The following TRAPPC9 variants were observed in gnomAD, a reference collection of about 807,000 sequenced individuals.
TRAPPC9 encodes the protein IKK2 binding protein.
A neutral mutation model predicts 124.0 loss-of-function variants in TRAPPC9; 83 were observed. The ratio of observed to expected loss-of-function variants is 0.67; its 90% CI spans 0.56 to 0.80. TRAPPC9 has a LOEUF of 0.80. Among genes scored for constraint, TRAPPC9 ranks in the 30% least tolerant of loss-of-function variants. The pLI is 0.00. For synonymous variants in TRAPPC9, 638 were observed against 617.5 expected (o/e 1.03, Z -0.49); for missense variants, 1,302 against 1,508.3 (o/e 0.86, Z 2.27).
At position 140,446,293 on chromosome 8, in the gene TRAPPC9, C is replaced by CAA. The variant is rs59393001; in HGVS notation, c.584+4495_584+4496dup. On this transcript the variant is annotated intron_variant, in intron 2 of 22. Coordinates refer to ENST00000438773, the MANE Select transcript of TRAPPC9 (RefSeq NM_001160372.4). ...TGGGCGAAAGAGTAAGACTCTGTCT[C>CAA]AAAAAAAAAAAAAAAAAAAGCAGAC... Among the ~76,000 whole-genome samples the CAA allele has an allele frequency of 4.9e-3, 542 of 110,312 alleles. 32 individuals are homozygous for CAA. The highest frequency in any genetic ancestry group is 0.018 in the African/African-American group (507 of 28,778). 72.4% of individuals were successfully genotyped at this position (110,312 alleles called of 152,430 possible).
chr8:140,166,016 T>A (rs988906787), intron 17 of TRAPPC9, among the ~76,000 whole-genome samples: 2 of 152,130 alleles, frequency 1.3e-5, no homozygotes, highest in African/African-American at 4.8e-5. Flanking sequence ...ATGCTGCCCA[T>A]AACTCCTCCA....
intron 7 of TRAPPC9, among the ~76,000 whole-genome samples, chr8:140,384,388 C>T (rs1298436999): frequency 3.9e-5 from 6 of 152,058 alleles, no homozygotes; most frequent in Admixed American, 2.6e-4. Context: ...GAGTCAAGAC[C>T]CATCAGTGTG....
At chr8:140,251,479 A>C (rs1337586009) in intron 16 of TRAPPC9, among the ~76,000 whole-genome samples, 2 of 152,224 alleles carry the variant, frequency 1.3e-5, no homozygotes, top group African/African-American at 2.4e-5. Context: ...GTTTTTCTAC[A>C]TTTGTTAATA....
intron 21 of TRAPPC9, among the ~76,000 whole-genome samples, chr8:139,757,814 A>T (rs1819956018): frequency 6.6e-6 from 1 of 152,122 alleles, no homozygotes; most frequent in South Asian, 2.1e-4. Context: ...TTAGTAGGCA[A>T]GCAGTCGGCA....
At chr8:139,765,203 T>A (rs1820504368) in intron 21 of TRAPPC9, among the ~76,000 whole-genome samples, 1 of 152,090 alleles carries the variant, frequency 6.6e-6, no homozygotes, top group Admixed American at 6.5e-5. Context: ...TTGTTCTCCA[T>A]CCCATCGCTC....
At chr8:139,777,824 AATC>A (rs1298064860) in intron 21 of TRAPPC9, among the ~76,000 whole-genome samples, 1 of 152,214 alleles carries the variant, frequency 6.6e-6, no homozygotes, top group African/African-American at 2.4e-5. Context: ...TGAGCCCTAG[AATC>A]ATCCCAGCTC....
At chr8:139,759,168 G>A (rs563075046) in intron 21 of TRAPPC9, among the ~76,000 whole-genome samples, 1 of 152,338 alleles carries the variant, frequency 6.6e-6, no homozygotes, top group East Asian at 1.9e-4. Context: ...GGTCAGAGAA[G>A]TTAGCAACTT....
intron 19 of TRAPPC9, among the ~76,000 whole-genome samples, chr8:139,947,430 A>G (rs964501997): frequency 1.1e-4 from 16 of 152,234 alleles, no homozygotes; most frequent in African/African-American, 3.4e-4. Flanking sequence ...TAACCAGGAC[A>G]AAGTATGAAG....
intron 17 of TRAPPC9, among the ~76,000 whole-genome samples, chr8:140,107,614 G>A (rs759335409): frequency 6.6e-6 from 1 of 152,234 alleles, no homozygotes; most frequent in Non-Finnish European, 1.5e-5. Flanking sequence ...GAATGGAGGA[G>A]GAGAAAGCCA....
At chr8:140,134,019 A>T (rs544716013) in intron 17 of TRAPPC9, among the ~76,000 whole-genome samples, 2 of 152,160 alleles carry the variant, frequency 1.3e-5, no homozygotes, top group Non-Finnish European at 2.9e-5. Flanking sequence ...CCAACAGCTT[A>T]TTTTTTCAGA....
rs541090505 is a variant in TRAPPC9 at position 140,289,317 on chromosome 8, C to T, written c.1855-1583G>A. ...CTCGGCAGTGAGTACACTTAGTGCC[C>T]GGACTTGGAGCCAAGGTGTGAAATG... On this transcript the variant is annotated intron_variant, in intron 12 of 22. Transcript: ENST00000438773. 9.9e-5 allele frequency among the ~76,000 whole-genome samples: 15 copies of T among 152,136 alleles called. No individual in the cohort carries two copies. In the South Asian group the frequency reaches 3.1e-3, roughly 32 times the overall value.
chr8:140,363,307 T>C (rs1170455780), intron 8 of TRAPPC9, among the ~76,000 whole-genome samples: 3 of 152,230 alleles, frequency 2.0e-5, no homozygotes, highest in African/African-American at 7.2e-5. Context: ...CGACCGTCTA[T>C]AACCAGCTAG....
At chr8:139,780,625 C>T (rs1821745034) in intron 21 of TRAPPC9, among the ~76,000 whole-genome samples, 1 of 151,922 alleles carries the variant, frequency 6.6e-6, no homozygotes, top group South Asian at 2.1e-4. Flanking sequence ...ATGGCAATGC[C>T]ATTTTACATA....
chr8:140,340,737 A>G (rs1281957690), intron 9 of TRAPPC9, among the ~76,000 whole-genome samples: 2 of 152,194 alleles, frequency 1.3e-5, no homozygotes, highest in African/African-American at 4.8e-5. Flanking sequence ...TTAAAGCATC[A>G]TCGTCCCCTT....
chr8:140,457,722 G>A lies in TRAPPC9; in HGVS notation c.-94C>T. 1.0e-6 allele frequency: 1 copy of A among 993,502 alleles called. No homozygotes were observed. Among genetic ancestry groups the A allele is most frequent in the Non-Finnish European group, 1.2e-6 (1 of 834,926 alleles). The allele number at this position is 993,502 out of a possible 1,614,324, so 61.5% of individuals were successfully genotyped here. Reference sequence around the variant, plus strand: ...AGCAGCCTCTGCGGCCACTTCCCAGGCTCTGGGCTGGCGCTTCCTACTGGC... The same window carrying A: ...AGCAGCCTCTGCGGCCACTTCCCAGACTCTGGGCTGGCGCTTCCTACTGGC... On this transcript the variant is annotated 5_prime_UTR_variant, in exon 1 of 23. Coordinates refer to ENST00000438773, the MANE Select transcript of TRAPPC9 (RefSeq NM_001160372.4).
intron 5 of TRAPPC9, among the ~76,000 whole-genome samples, chr8:140,420,282 C>T (rs1564012201): frequency 6.6e-6 from 1 of 152,088 alleles, no homozygotes; most frequent in Non-Finnish European, 1.5e-5. Flanking sequence ...TGGCAATATT[C>T]TCCAAACTGA....
At chr8:139,898,497 G>A (rs371594035) in intron 20 of TRAPPC9, among the ~76,000 whole-genome samples, 12 of 152,214 alleles carry the variant, frequency 7.9e-5, no homozygotes, top group African/African-American at 2.2e-4. Context: ...GTTTATCAGC[G>A]AATGTCCACC....
intron 21 of TRAPPC9, among the ~76,000 whole-genome samples, chr8:139,778,956 A>T (rs2130508467): frequency 6.6e-6 from 1 of 152,308 alleles, no homozygotes; most frequent in South Asian, 2.1e-4. Context: ...CATAATGTAA[A>T]CTACACCAAG....
At chr8:140,014,654 C>T (rs868408433) in intron 18 of TRAPPC9, among the ~76,000 whole-genome samples, 3 of 152,084 alleles carry the variant, frequency 2.0e-5, no homozygotes, top group Admixed American at 6.5e-5. Flanking sequence ...GTCTGTCCAG[C>T]GGCAGAATAG....
Sources: allele counts gnomAD v4.1 joint callset (sites outside exome capture counted in the v4.1 genomes callset), GRCh38; gene constraint gnomAD v4.1.1; transcripts MANE v1.5; gene names NCBI Gene and HGNC (gene_info 2026-07-23, HGNC 2026-07-21).